PKNOX2: variants seen among roughly 807,000 people sequenced by gnomAD.
PKNOX2 encodes homeobox protein PKNOX2.
In PKNOX2, 14 loss-of-function variants were observed where a neutral mutation model predicts 53.1. The ratio of observed to expected loss-of-function variants is 0.26; its 90% CI spans 0.17 to 0.41. The LOEUF is 0.41. PKNOX2 is among the 10% of genes least tolerant of loss of function. The pLI is 1.00. For missense variants in PKNOX2, 496 were observed against 602.8 expected (o/e 0.82, Z 1.85); for synonymous variants, 257 against 242.8 (o/e 1.06, Z -0.54).
At chr11:125,194,627 C>A (rs1420723625) in intron 1 of PKNOX2, among the ~76,000 whole-genome samples, 1 of 152,150 alleles carries the variant, frequency 6.6e-6, no homozygotes, top group Non-Finnish European at 1.5e-5. Context: ...CTGCAGAGGA[C>A]CCCAAAGGCC....
chr11:125,293,185 TACAC>T (rs765058737), intron 2 of PKNOX2, among the ~76,000 whole-genome samples: 1 of 151,814 alleles, frequency 6.6e-6, no homozygotes, highest in Non-Finnish European at 1.5e-5. Context: ...TAGAAATATT[TACAC>T]ACACACACAC....
intron 1 of PKNOX2, among the ~76,000 whole-genome samples, chr11:125,229,867 T>A (rs1253874648): frequency 3.3e-5 from 5 of 152,204 alleles, no homozygotes; most frequent in Non-Finnish European, 4.4e-5. Flanking sequence ...CACCACCCAG[T>A]GTATGTGAGT....
chr11:125,178,585 G>A lies in PKNOX2; in HGVS notation c.-201+13809G>A, dbSNP rs188753414. ...AGGAACGAAGGAAGGAAGGAAGGAA[G>A]GAAGGAAGGAAGGAAGGAAGGAAGG... On this transcript the variant is annotated intron_variant, in intron 1 of 12. Transcript: ENST00000298282. 9.3e-3 allele frequency among the ~76,000 whole-genome samples: 308 copies of A among 33,042 alleles called. 3 individuals carry two copies. The highest frequency in any genetic ancestry group is 0.043 in the African/African-American group (226 of 5,286). The allele number at this position is 33,042 out of a possible 152,430, so 21.7% of individuals were successfully genotyped here.
intron 6 of PKNOX2, among the ~76,000 whole-genome samples, chr11:125,389,522 C>T (rs1953894785): frequency 6.6e-6 from 1 of 152,200 alleles, no homozygotes; most frequent in Non-Finnish European, 1.5e-5. Flanking sequence ...ATCCTTCACT[C>T]CCTCCACTCC....
At chr11:125,262,674 C>T (rs776269134) in intron 2 of PKNOX2, among the ~76,000 whole-genome samples, 2 of 152,094 alleles carry the variant, frequency 1.3e-5, no homozygotes, top group Non-Finnish European at 2.9e-5. Flanking sequence ...CTCTCTACCC[C>T]ACAGGCTTTG....
At chr11:125,204,132 A>G (rs1392074107) in intron 1 of PKNOX2, among the ~76,000 whole-genome samples, 1 of 152,194 alleles carries the variant, frequency 6.6e-6, no homozygotes, top group Admixed American at 6.5e-5. Context: ...AGAGCGGGAA[A>G]GAATCCCAGT....
chr11:125,216,368 G>T (rs1241169059), intron 1 of PKNOX2, among the ~76,000 whole-genome samples: 1 of 152,190 alleles, frequency 6.6e-6, no homozygotes, highest in Non-Finnish European at 1.5e-5. Flanking sequence ...GACAGTGTCA[G>T]ATGGGGTAAG....
chr11:125,301,309 C>T (rs751190223), intron 2 of PKNOX2, among the ~76,000 whole-genome samples: 12 of 152,038 alleles, frequency 7.9e-5, no homozygotes, highest in South Asian at 2.1e-4. Flanking sequence ...CCATATGCCC[C>T]GGGGGCAACT....
At chr11:125,316,159 G>GA in intron 2 of PKNOX2, among the ~76,000 whole-genome samples, 1 of 152,270 alleles carries the variant, frequency 6.6e-6, no homozygotes, top group South Asian at 2.1e-4. Flanking sequence ...GACCCACTGT[G>GA]AACCCCTCAT....
At chr11:125,206,823 G>A (rs1939171147) in intron 1 of PKNOX2, among the ~76,000 whole-genome samples, 1 of 152,024 alleles carries the variant, frequency 6.6e-6, no homozygotes, top group African/African-American at 2.4e-5. Flanking sequence ...TCAGGTGAGT[G>A]ACTTAGACAG....
At position 125,385,675 on chromosome 11, in the gene PKNOX2, C is replaced by A. The variant is rs545472680; in HGVS notation, c.352C>A (p.Gln118Lys). The change falls in exon 6 of 13, where the codon CAG (glutamine) becomes AAG (lysine). Residue 118 changes from glutamine to lysine, a missense_variant. Physicochemically the swap from Gln to Lys is moderately conservative, Grantham distance 53. Transcript: ENST00000298282. ...DIENFVHQQE[Q>K]EHKPFFSDDP... ...CGAGAACTTTGTCCACCAGCAGGAA[C>A]AGGAGCACAAACCCTTCTTCAGCGA... is the stretch of plus-strand genomic sequence containing the variant. 2 of 1,613,912 alleles carry A rather than the reference C, an allele frequency of 1.2e-6. No homozygotes were observed. Among genetic ancestry groups the A allele is most frequent in the South Asian group, 1.1e-5 (1 of 90,982 alleles).
intron 4 of PKNOX2, among the ~76,000 whole-genome samples, chr11:125,354,421 C>A (rs1016642386): frequency 6.6e-6 from 1 of 152,172 alleles, no homozygotes; most frequent in Non-Finnish European, 1.5e-5. Flanking sequence ...CTGAGCACAC[C>A]TCTCCATCAC....
Position 125,385,719 on chromosome 11 carries a change from T to C in PKNOX2, c.396T>C (p.Asn132=), listed in dbSNP as rs761483190. The change falls in exon 6 of 13, where the codon AAT becomes AAC. Residue 132 remains asparagine, a synonymous_variant. Coordinates refer to ENST00000298282, the MANE Select transcript of PKNOX2 (RefSeq NM_001382323.2). ...TCAGCGATGACCCAGAACTGGACAA[T>C]CTGGTAAAGACCCTCCACCCTCTAC... ...PFFSDDPELD[N]LMVKAIQVLR... The C allele has an allele frequency of 6.2e-7, 1 of 1,613,154 alleles. No individual in the cohort carries two copies. Among genetic ancestry groups the C allele is most frequent in the Non-Finnish European group, 8.5e-7 (1 of 1,179,702 alleles).
At chr11:125,297,816 C>T (rs1174823565) in intron 2 of PKNOX2, among the ~76,000 whole-genome samples, 6 of 152,204 alleles carry the variant, frequency 3.9e-5, no homozygotes, top group African/African-American at 1.4e-4. Context: ...CTCAGCTCAG[C>T]GTCATCTCCT....
chr11:125,211,104 C>T (rs1337724582), intron 1 of PKNOX2, among the ~76,000 whole-genome samples: 1 of 152,120 alleles, frequency 6.6e-6, no homozygotes, highest in East Asian at 1.9e-4. Flanking sequence ...CGATTCCTCC[C>T]TCTCCTTCCT....
Position 125,175,215 on chromosome 11 carries a change from G to A in PKNOX2, c.-201+10439G>A, listed in dbSNP as rs146604718. 5.0e-5 allele frequency among the ~76,000 whole-genome samples: 7 copies of A among 141,166 alleles called. No individual in the cohort carries two copies. In the East Asian group the frequency reaches 1.4e-3, roughly 28 times the overall value. 92.6% of individuals were successfully genotyped at this position (141,166 alleles called of 152,430 possible). A position where few individuals can be genotyped will look rare whatever the true frequency, so the allele number is the denominator to read the frequency against. On this transcript the variant is annotated intron_variant, in intron 1 of 12. Coordinates refer to ENST00000298282, the MANE Select transcript of PKNOX2 (RefSeq NM_001382323.2). ...TTCCACTGGGTTTGAGGAGAAGGAA[G>A]GAAGGAAGGAAGGAAGGAAGGAAGG...
intron 12 of PKNOX2, among the ~76,000 whole-genome samples, chr11:125,430,410 C>G (rs775100910): frequency 2.6e-4 from 40 of 152,302 alleles, no homozygotes; most frequent in Non-Finnish European, 4.6e-4. Context: ...ATGTCCGCAC[C>G]CATCTGAGTT....
At chr11:125,302,923 G>A (rs1012818665) in intron 2 of PKNOX2, among the ~76,000 whole-genome samples, 9 of 152,196 alleles carry the variant, frequency 5.9e-5, no homozygotes, top group Admixed American at 1.3e-4. Context: ...ACCCTAGCTC[G>A]CTGCTCCACA....
chr11:125,288,909 C>T (rs1408213876), intron 2 of PKNOX2, among the ~76,000 whole-genome samples: 2 of 152,240 alleles, frequency 1.3e-5, no homozygotes, highest in African/African-American at 4.8e-5. Context: ...TGTTGTGAAA[C>T]ACACACACGC....
Sources: gnomAD v4.1 joint callset for allele counts (sites outside exome capture counted in the v4.1 genomes callset) on GRCh38, gnomAD v4.1.1 for gene constraint, MANE v1.5 for transcripts, NCBI Gene and HGNC (gene_info 2026-07-23, HGNC 2026-07-21) for gene names.